Variants in LHFPL3 observed in about 807,000 individuals in gnomAD.
LHFPL3 encodes LHFPL tetraspan subfamily member 3 protein.
Under a neutral mutation model 19.3 loss-of-function variants are expected in LHFPL3, and 5 were observed. The observed-to-expected ratio is 0.26, with a 90% CI of 0.14 to 0.54. The LOEUF is 0.54. Among genes scored for constraint, LHFPL3 ranks in the 20% least tolerant of loss-of-function variants. LHFPL3 has a pLI of 0.94. For synonymous variants in LHFPL3, 133 were observed against 126.2 expected (o/e 1.05, Z -0.36); for missense variants, 249 against 307.4 (o/e 0.81, Z 1.42).
chr7:104,788,629 T>C (rs1789967129), intron 2 of LHFPL3, among the ~76,000 whole-genome samples: 1 of 152,196 alleles, frequency 6.6e-6, no homozygotes, highest in Non-Finnish European at 1.5e-5. Flanking sequence ...TTCTTGTTTT[T>C]TTAATGAGAA....
At chr7:104,363,393 G>C (rs1171685093) in intron 1 of LHFPL3, among the ~76,000 whole-genome samples, 1 of 152,260 alleles carries the variant, frequency 6.6e-6, no homozygotes, top group East Asian at 1.9e-4. Flanking sequence ...ATGTTGGAAG[G>C]ATAAGTATGT....
intron 1 of LHFPL3, among the ~76,000 whole-genome samples, chr7:104,418,689 A>G (rs973171692): frequency 6.6e-6 from 1 of 152,238 alleles, no homozygotes; most frequent in Admixed American, 6.5e-5. Context: ...ACTGCAGAGC[A>G]TAATGAGTCC....
At chr7:104,519,104 T>C (rs1793991565) in intron 1 of LHFPL3, among the ~76,000 whole-genome samples, 1 of 152,152 alleles carries the variant, frequency 6.6e-6, no homozygotes, top group East Asian at 1.9e-4. Context: ...CAATCTGACA[T>C]ACTAAAGCTC....
intron 1 of LHFPL3, among the ~76,000 whole-genome samples, chr7:104,404,427 A>T (rs901137294): frequency 6.6e-6 from 1 of 152,236 alleles, no homozygotes; most frequent in Non-Finnish European, 1.5e-5. Flanking sequence ...TTCAGTAGAG[A>T]TCAGTAGTGA....
chr7:104,337,961 G>A (rs73713094), intron 1 of LHFPL3, among the ~76,000 whole-genome samples: 15,626 of 152,048 alleles, frequency 0.1, 1,092 homozygotes, highest in African/African-American at 0.19. Context: ...TAAAAACCAT[G>A]GTTGATGACC....
At chr7:104,558,248 C>T (rs1382095232) in intron 1 of LHFPL3, among the ~76,000 whole-genome samples, 1 of 151,354 alleles carries the variant, frequency 6.6e-6, no homozygotes, top group Non-Finnish European at 1.5e-5. Context: ...CCTGAGGAAT[C>T]GCCACACTGA....
At chr7:104,630,628 A>G (rs1861611) in intron 1 of LHFPL3, among the ~76,000 whole-genome samples, 146,758 of 152,226 alleles carry the variant, frequency 0.96, 70,936 homozygotes, top group East Asian at 1. Flanking sequence ...TTTTTTAGGT[A>G]TTGAGATATT....
At chr7:104,469,542 A>C (rs1334184930) in intron 1 of LHFPL3, among the ~76,000 whole-genome samples, 1 of 152,164 alleles carries the variant, frequency 6.6e-6, no homozygotes, top group African/African-American at 2.4e-5. Context: ...ATTTGGTATG[A>C]ATCTTCTCCA....
At chr7:104,540,220 T>C (rs1189136129) in intron 1 of LHFPL3, among the ~76,000 whole-genome samples, 1 of 152,062 alleles carries the variant, frequency 6.6e-6, no homozygotes, top group Admixed American at 6.6e-5. Flanking sequence ...CTTACTCAGC[T>C]AAAATCCATG....
At chr7:104,588,182 G>A (rs1465913213) in intron 1 of LHFPL3, among the ~76,000 whole-genome samples, 1 of 152,100 alleles carries the variant, frequency 6.6e-6, no homozygotes, top group Non-Finnish European at 1.5e-5. Context: ...TAGACATGAA[G>A]TCCTTGCCCA....
chr7:104,868,065 G>C (rs908756110), intron 2 of LHFPL3, among the ~76,000 whole-genome samples: 2 of 152,142 alleles, frequency 1.3e-5, no homozygotes, highest in Non-Finnish European at 2.9e-5. Flanking sequence ...ATTAGGTATT[G>C]ATGGGATGTA....
At chr7:104,737,555 A>G (rs1454544776) in intron 2 of LHFPL3, among the ~76,000 whole-genome samples, 1 of 152,198 alleles carries the variant, frequency 6.6e-6, no homozygotes, top group Non-Finnish European at 1.5e-5. Context: ...TAGAACATTG[A>G]CTATTGAATG....
At chr7:104,599,151 C>G (rs1260709935) in intron 1 of LHFPL3, among the ~76,000 whole-genome samples, 1 of 152,184 alleles carries the variant, frequency 6.6e-6, no homozygotes, top group Admixed American at 6.5e-5. Context: ...AAACATTACT[C>G]TGGCTCACAT....
intron 1 of LHFPL3, among the ~76,000 whole-genome samples, chr7:104,602,424 A>T (rs1419287495): frequency 1.3e-5 from 2 of 152,212 alleles, no homozygotes; most frequent in African/African-American, 4.8e-5. Flanking sequence ...AGACAAGGCA[A>T]CTAGTGGACA....
chr7:104,357,000 C>T (rs1790290717), intron 1 of LHFPL3, among the ~76,000 whole-genome samples: 1 of 152,162 alleles, frequency 6.6e-6, no homozygotes, highest in African/African-American at 2.4e-5. Context: ...AAAGCCTTCA[C>T]ATTTAATTTG....
At chr7:104,379,277 G>GAATTTGGAGGGAACAGGA in intron 1 of LHFPL3, among the ~76,000 whole-genome samples, 1 of 152,282 alleles carries the variant, frequency 6.6e-6, no homozygotes, top group South Asian at 2.1e-4. Flanking sequence ...GTCTCCCAGG[G>GAATTTGGAGGGAACAGGA]AATTAGAGGT....
intron 1 of LHFPL3, among the ~76,000 whole-genome samples, chr7:104,346,030 T>C (rs1033811296): frequency 6.7e-6 from 1 of 148,810 alleles, no homozygotes; most frequent in African/African-American, 2.5e-5. Flanking sequence ...GTTTTGAATT[T>C]TTATTCCTTC....
intron 1 of LHFPL3, among the ~76,000 whole-genome samples, chr7:104,554,880 G>T (rs937541971): frequency 6.6e-6 from 1 of 152,134 alleles, no homozygotes; most frequent in Non-Finnish European, 1.5e-5. Context: ...AGAACACAGG[G>T]GGACCACTAG....
At chr7:104,372,070 T>C (rs1790627100) in intron 1 of LHFPL3, among the ~76,000 whole-genome samples, 1 of 152,232 alleles carries the variant, frequency 6.6e-6, no homozygotes, top group African/African-American at 2.4e-5. Flanking sequence ...ATTGCCTTTT[T>C]GGTGATAATT....
Sources: gnomAD v4.1 joint callset for allele counts (sites outside exome capture counted in the v4.1 genomes callset) on GRCh38, gnomAD v4.1.1 for gene constraint, MANE v1.5 for transcripts, NCBI Gene and HGNC (gene_info 2026-07-23, HGNC 2026-07-21) for gene names.